The following FAM81B variants were observed in gnomAD, a reference collection of about 807,000 sequenced individuals.
FAM81B encodes the protein protein FAM81B.
FAM81B carries 60 observed loss-of-function variants against 58.7 expected under a neutral mutation model. The ratio of observed to expected loss-of-function variants is 1.02; its 90% confidence interval spans 0.83 to 1.27. The LOEUF (loss-of-function observed/expected upper bound fraction) is 1.27. FAM81B is among the 50% of genes most tolerant of loss of function. FAM81B has a pLI of 0.00. For missense variants in FAM81B, 491 were observed against 522.0 expected (o/e 0.94, Z 0.58); for synonymous variants, 189 against 179.6 (o/e 1.05, Z -0.42).
At chr5:95,408,075 TGAGAGAGAGAGAGAGAGAGA>T (rs10567707) in intron 3 of FAM81B, among the ~76,000 whole-genome samples, 1 of 130,224 alleles carries the variant, frequency 7.7e-6, no homozygotes, top group Non-Finnish European at 1.6e-5. Context: ...TCCCCCAAAA[TGAGAGAGAGAGAGAGAGAGA>T]GAGAGAGAGA....
chr5:95,419,492 C>T (rs1762621894), intron 4 of FAM81B, among the ~76,000 whole-genome samples: 1 of 152,164 alleles, frequency 6.6e-6, no homozygotes, highest in East Asian at 1.9e-4. Context: ...AAGTATAATA[C>T]AATTTTTTTC....
chr5:95,448,360 T>C lies in FAM81B; in HGVS notation c.1121T>C (p.Leu374Pro). Reference protein sequence around the residue: ...FINTQKQETQLSKVKHMENKL... With the variant: ...FINTQKQETQPSKVKHMENKL... ...AACACACAGAAACAGGAAACACAACTAAGTAAAGTAAAGCATATGGAAAAT... is the reference window on the plus strand; with the variant it reads ...AACACACAGAAACAGGAAACACAACCAAGTAAAGTAAAGCATATGGAAAAT... Residue 374 changes from leucine (L) to proline (P), a missense_variant, in exon 9 of 10, where the codon CTA (leucine) becomes CCA (proline). By Grantham distance (98) the Leu-to-Pro change is moderately conservative. Coordinates refer to ENST00000283357, the MANE Select transcript of FAM81B (RefSeq NM_152548.3). 6.2e-7 allele frequency: 1 copy of C among 1,612,928 alleles called. No individual in the cohort carries two copies. The highest frequency in any genetic ancestry group is 8.5e-7 in the Non-Finnish European group (1 of 1,179,662).
Position 95,444,412 on chromosome 5 carries a change from A to T in FAM81B, c.894-2150A>T, listed in dbSNP as rs73143938. Among the ~76,000 whole-genome samples the T allele has an allele frequency of 2.9e-3, 442 of 152,296 alleles. 1 individual carries two copies. The highest frequency in any genetic ancestry group is 1.0e-2 in the African/African-American group (414 of 41,570). On this transcript the variant is annotated intron_variant, in intron 7 of 9. Transcript: ENST00000283357. ...GTTTCAAATAAGGAGAAAGAGTTCTATTTTTTAAGGTGGTGTATAAATGTA... is the reference window on the plus strand; with the variant it reads ...GTTTCAAATAAGGAGAAAGAGTTCTTTTTTTTAAGGTGGTGTATAAATGTA...
At chr5:95,413,667 T>A (rs1463281999) in intron 3 of FAM81B, among the ~76,000 whole-genome samples, 1 of 152,202 alleles carries the variant, frequency 6.6e-6, no homozygotes, top group Non-Finnish European at 1.5e-5. Context: ...ATAAGGGGTA[T>A]ATAAAGGCGT....
chr5:95,393,582 T>G (rs1475342137), intron 2 of FAM81B, among the ~76,000 whole-genome samples: 1 of 152,206 alleles, frequency 6.6e-6, no homozygotes, highest in East Asian at 1.9e-4. Flanking sequence ...AGGGCTACAG[T>G]ATGATTATCA....
At chr5:95,426,587 C>G (rs1762836745) in intron 5 of FAM81B, among the ~76,000 whole-genome samples, 1 of 152,272 alleles carries the variant, frequency 6.6e-6, no homozygotes. Flanking sequence ...CAGCCACTTA[C>G]AGTTTTGAAG....
At chr5:95,391,646 C>A in intron 1 of FAM81B, 133 bp downstream of exon 1, 2 of 947,774 alleles carry the variant, frequency 2.1e-6, no homozygotes, top group Non-Finnish European at 1.5e-6. Context: ...AGAGTAATAA[C>A]TTAAACAAAT....
At chr5:95,446,808 G>T in intron 8 of FAM81B, 111 bp downstream of exon 8, 1 of 1,384,996 alleles carries the variant, frequency 7.2e-7, no homozygotes, top group Non-Finnish European at 9.9e-7. Context: ...CACTGCTTCA[G>T]TAACTTTTTT....
At chr5:95,436,702 T>C in intron 6 of FAM81B, 98 bp from the exon 7 acceptor site, 1 of 811,402 alleles carries the variant, frequency 1.2e-6, no homozygotes, top group Non-Finnish European at 2.1e-6. Context: ...GAATAAAGTA[T>C]ATTAATCTGT....
At chr5:95,399,594 G>A (rs138181339) in intron 3 of FAM81B, among the ~76,000 whole-genome samples, 1 of 152,182 alleles carries the variant, frequency 6.6e-6, no homozygotes, top group Non-Finnish European at 1.5e-5. Flanking sequence ...CTGCCCAAAT[G>A]ATGATCAGTC....
intron 3 of FAM81B, among the ~76,000 whole-genome samples, chr5:95,401,711 A>G (rs952935078): frequency 1.3e-5 from 2 of 152,054 alleles, no homozygotes; most frequent in African/African-American, 4.8e-5. Flanking sequence ...TAAATTTTCA[A>G]GTTTGATTCT....
intron 8 of FAM81B, 93 bp from the exon 9 acceptor site, chr5:95,448,176 A>T: frequency 8.1e-7 from 1 of 1,229,914 alleles, no homozygotes; most frequent in Non-Finnish European, 1.1e-6. Context: ...TTCATGCTTA[A>T]CATAGAAAAA....
At chr5:95,420,427 G>A (rs1300000431) in intron 5 of FAM81B, 25 bp downstream of exon 5, 6 of 1,611,774 alleles carry the variant, frequency 3.7e-6, no homozygotes, top group South Asian at 3.3e-5. Context: ...GTTGACTAAT[G>A]TTTAACAGTG....
intron 2 of FAM81B, among the ~76,000 whole-genome samples, chr5:95,394,009 ACTGT>A (rs1462443019): frequency 6.6e-6 from 1 of 152,186 alleles, no homozygotes; most frequent in Non-Finnish European, 1.5e-5. Flanking sequence ...AAATTTAAAT[ACTGT>A]CTTAGATACC....
chr5:95,449,214 C>A (rs1239345033), intron 9 of FAM81B, among the ~76,000 whole-genome samples: 1 of 151,974 alleles, frequency 6.6e-6, no homozygotes, highest in African/African-American at 2.4e-5. Flanking sequence ...TATAGAGATA[C>A]CTTGGAGGTG....
intron 5 of FAM81B, among the ~76,000 whole-genome samples, chr5:95,427,019 A>G (rs761795636): frequency 2.0e-5 from 3 of 152,086 alleles, no homozygotes; most frequent in Non-Finnish European, 4.4e-5. Flanking sequence ...ACTGCACTCC[A>G]GCCTGGGCGA....
rs1745753895 is a variant in FAM81B at position 95,450,386 on chromosome 5, T to C, written c.*104T>C. ...TCTGGGATGTTTACTGCTTCTAATG[T>C]CTCCTTTTAAGGAGACGAATGTACC... On this transcript the variant is annotated 3_prime_UTR_variant, in exon 10 of 10. Coordinates refer to ENST00000283357, the MANE Select transcript of FAM81B (RefSeq NM_152548.3). The C allele has an allele frequency of 6.5e-6, 10 of 1,548,726 alleles. No individual in the cohort carries two copies. The highest frequency in any genetic ancestry group is 8.7e-6 in the Non-Finnish European group (10 of 1,154,014).
intron 4 of FAM81B, among the ~76,000 whole-genome samples, chr5:95,416,695 T>C (rs1235926545): frequency 6.6e-6 from 1 of 152,210 alleles, no homozygotes; most frequent in African/African-American, 2.4e-5. Context: ...ATGATTTTTA[T>C]TCTAACATTC....
chr5:95,449,746 C>G (rs1745727420), intron 9 of FAM81B, among the ~76,000 whole-genome samples: 1 of 152,062 alleles, frequency 6.6e-6, no homozygotes, highest in South Asian at 2.1e-4. Context: ...CTCAAATAGG[C>G]TACTTTCAGA....
Sources: allele counts gnomAD v4.1 joint callset (sites outside exome capture counted in the v4.1 genomes callset), GRCh38; gene constraint gnomAD v4.1.1; transcripts MANE v1.5; gene names NCBI Gene and HGNC (gene_info 2026-07-23, HGNC 2026-07-21).